The following UBE2V1 variants were observed in gnomAD, a reference collection of about 807,000 sequenced individuals.
UBE2V1 encodes the protein ubiquitin-conjugating enzyme E2 variant 1.
Under a neutral mutation model 19.6 loss-of-function variants are expected in UBE2V1, and 15 were observed. The ratio of observed to expected loss-of-function variants is 0.77; its 90% CI spans 0.51 to 1.18. The LOEUF is 1.18. UBE2V1 is among the 50% of genes most tolerant of loss of function. UBE2V1 has a pLI of 0.00. For synonymous variants in UBE2V1, 60 were observed against 60.7 expected (o/e 0.99, Z 0.05); for missense variants, 125 against 184.8 (o/e 0.68, Z 1.88).
Position 50,082,467 on chromosome 20 carries a change from T to C in UBE2V1, c.*301A>G. 1 of 325,838 alleles carries C rather than the reference T, an allele frequency of 3.1e-6. No individual in the cohort carries two copies. Among genetic ancestry groups the C allele is most frequent in the Non-Finnish European group, 5.6e-6 (1 of 177,784 alleles). The allele number at this position is 325,838 out of a possible 1,614,324, so 20.2% of individuals were successfully genotyped here. A position where few individuals can be genotyped will look rare whatever the true frequency, so the allele number is the denominator to read the frequency against. On this transcript the variant is annotated 3_prime_UTR_variant, in exon 4 of 4. Transcript: ENST00000371674. ...TGTCTTTTCACAGTTGAGTTAGATG[T>C]GCCCCACCAGTTATGATGGGAATCA...
intron 1 of UBE2V1, among the ~76,000 whole-genome samples, chr20:50,098,358 T>C (rs2079769499): frequency 6.6e-6 from 1 of 152,192 alleles, no homozygotes; most frequent in Non-Finnish European, 1.5e-5. Context: ...CTGAGTGACA[T>C]GATCTGTCTT....
chr20:50,104,369 C>G, intron 1 of UBE2V1: 1 of 981,556 alleles, frequency 1.0e-6, no homozygotes, highest in Non-Finnish European at 1.2e-6. Context: ...ATATAATTAA[C>G]ATACCTGGCT....
intron 1 of UBE2V1, among the ~76,000 whole-genome samples, chr20:50,100,672 G>C (rs1364397354): frequency 6.6e-6 from 1 of 152,184 alleles, no homozygotes; most frequent in Non-Finnish European, 1.5e-5. Context: ...AATGGAAGCT[G>C]TATTACACAA....
intron 2 of UBE2V1, among the ~76,000 whole-genome samples, chr20:50,087,305 T>C (rs2078976067): frequency 7.1e-6 from 1 of 140,156 alleles, no homozygotes; most frequent in Non-Finnish European, 1.5e-5. Flanking sequence ...CTGAGACAGG[T>C]GAACTGCTTA....
At chr20:50,089,996 G>T (rs78068544) in intron 2 of UBE2V1, among the ~76,000 whole-genome samples, 31 of 152,040 alleles carry the variant, frequency 2.0e-4, no homozygotes, top group Non-Finnish European at 4.3e-4. Context: ...TGCCCCGCAG[G>T]TGCCAGCAGC....
chr20:50,092,339 A>C (rs1268615624), intron 2 of UBE2V1, among the ~76,000 whole-genome samples: 2 of 152,052 alleles, frequency 1.3e-5, no homozygotes, highest in Non-Finnish European at 2.9e-5. Flanking sequence ...CAGAAAAAAC[A>C]CTATTTTGGA....
intron 2 of UBE2V1, among the ~76,000 whole-genome samples, chr20:50,084,952 A>C (rs1359578633): frequency 7.3e-6 from 1 of 136,874 alleles, no homozygotes; most frequent in Non-Finnish European, 1.5e-5. Flanking sequence ...GCTGGAGTGC[A>C]ATGGTGCGAT....
intron 1 of UBE2V1, chr20:50,111,656 G>A (rs2080760411): frequency 2.2e-6 from 2 of 916,798 alleles, no homozygotes; most frequent in Non-Finnish European, 2.6e-6. Context: ...GCTTGTGGTG[G>A]GTCACTTCAG....
chr20:50,112,642 T>C (rs1219839371), intron 1 of UBE2V1, among the ~76,000 whole-genome samples: 1 of 152,136 alleles, frequency 6.6e-6, no homozygotes, highest in African/African-American at 2.4e-5. Flanking sequence ...GTTTCTTCCA[T>C]CCAGCCTGAA....
chr20:50,101,680 C>T (rs1435288985), intron 1 of UBE2V1, among the ~76,000 whole-genome samples: 4 of 150,750 alleles, frequency 2.7e-5, no homozygotes, highest in Non-Finnish European at 4.4e-5. Flanking sequence ...CATAAATTAT[C>T]AGTAACATAT....
At chr20:50,093,987 C>CAAAAAAAAA (rs60174191) in intron 2 of UBE2V1, among the ~76,000 whole-genome samples, 47 of 56,242 alleles carry the variant, frequency 8.4e-4, no homozygotes, top group Admixed American at 1.5e-3. Flanking sequence ...GACTCCAACT[C>CAAAAAAAAA]AAAAAAAAAA....
At chr20:50,083,407 T>C (rs74512612) in intron 3 of UBE2V1, among the ~76,000 whole-genome samples, 1 of 152,242 alleles carries the variant, frequency 6.6e-6, no homozygotes, top group Non-Finnish European at 1.5e-5. Context: ...AAAGCACAGG[T>C]TGAGCTCTGG....
At chr20:50,083,673 T>G (rs2078746158) in intron 3 of UBE2V1, 1 of 153,884 alleles carries the variant, frequency 6.5e-6, no homozygotes, top group Non-Finnish European at 1.4e-5. Flanking sequence ...TTTGTAATAT[T>G]TACTGTTGCC....
chr20:50,083,040 T>G, intron 3 of UBE2V1, 126 bp from the exon 4 acceptor site: 1 of 1,441,672 alleles, frequency 6.9e-7, no homozygotes, highest in Non-Finnish European at 9.2e-7. Context: ...CTGCTAATCC[T>G]AATACCTTAC....
chr20:50,111,417 A>C, intron 1 of UBE2V1: 1 of 1,000,310 alleles, frequency 1.0e-6, no homozygotes, highest in Non-Finnish European at 1.2e-6. Context: ...CCACCAGCAC[A>C]CTGGGCCCCT....
chr20:50,115,730 A>T, upstream of UBE2V1: 1 of 874,912 alleles, frequency 1.1e-6, no homozygotes, highest in Non-Finnish European at 1.5e-6. Context: ...TAATCCTCAC[A>T]ACTCGATGCA....
intron 3 of UBE2V1, chr20:50,083,767 A>T (rs1323127026): frequency 6.2e-6 from 1 of 162,518 alleles, no homozygotes; most frequent in Non-Finnish European, 1.3e-5. Flanking sequence ...AAGGAAAAAA[A>T]TATTACATGC....
At chr20:50,091,118 C>A (rs560255735) in intron 2 of UBE2V1, among the ~76,000 whole-genome samples, 1 of 152,234 alleles carries the variant, frequency 6.6e-6, no homozygotes, top group South Asian at 2.1e-4. Context: ...ATGATCTTGG[C>A]CCACTGAAAC....
intron 1 of UBE2V1, among the ~76,000 whole-genome samples, chr20:50,097,970 G>A (rs2079738066): frequency 1.3e-5 from 2 of 152,208 alleles, no homozygotes; most frequent in African/African-American, 2.4e-5. Context: ...AGAACAAGCA[G>A]TGAATAAAAC....
Sources: gnomAD v4.1 joint callset for allele counts (sites outside exome capture counted in the v4.1 genomes callset) on GRCh38, gnomAD v4.1.1 for gene constraint, MANE v1.5 for transcripts, NCBI Gene and HGNC (gene_info 2026-07-23, HGNC 2026-07-21) for gene names.